PIKFYVE: variants seen among roughly 807,000 people sequenced by gnomAD.
PIKFYVE encodes 1-phosphatidylinositol 3-phosphate 5-kinase.
A neutral mutation model predicts 257.9 loss-of-function variants in PIKFYVE; 122 were observed. The observed-to-expected ratio is 0.47, with a 90% CI of 0.41 to 0.55. The LOEUF is 0.55. Among genes scored for constraint, PIKFYVE ranks in the 20% least tolerant of loss-of-function variants. The pLI is 0.00. For synonymous variants in PIKFYVE, 892 were observed against 868.9 expected, an observed-to-expected ratio of 1.03 and a Z score of -0.47; for missense variants, 2,160 against 2,536.6, an observed-to-expected ratio of 0.85 and a Z score of 3.19.
At chr2:208,301,837 A>G (rs1212437015) in intron 9 of PIKFYVE, among the ~76,000 whole-genome samples, 1 of 151,556 alleles carries the variant, frequency 6.6e-6, no homozygotes, top group African/African-American at 2.4e-5. Context: ...TGTCTATTTC[A>G]TATATATATA....
At chr2:208,267,075 G>A (rs1688733867) in intron 1 of PIKFYVE, among the ~76,000 whole-genome samples, 1 of 152,226 alleles carries the variant, frequency 6.6e-6, no homozygotes, top group Non-Finnish European at 1.5e-5. Context: ...AGAAATATAA[G>A]AAGTGCTAGA....
rs568341271 is a variant in PIKFYVE at position 208,279,998 on chromosome 2, A to AT, written c.613+2298dup. Among the ~76,000 whole-genome samples the AT allele has an allele frequency of 7.3e-3, 1,108 of 152,046 alleles. 5 individuals carry two copies. Among genetic ancestry groups the AT allele is most frequent in the Non-Finnish European group, 0.011 (775 of 67,962 alleles). On this transcript the variant is annotated intron_variant, in intron 5 of 41. Coordinates refer to ENST00000264380, the MANE Select transcript of PIKFYVE (RefSeq NM_015040.4). ...GACAAGATTACAGCTTTTAAAATAC[A>AT]TTTTTTTTACCTTTAGTTTCTCCCT...
chr2:208,325,087 A>C, intron 19 of PIKFYVE, 50 bp downstream of exon 19: 17 of 1,610,394 alleles, frequency 1.1e-5, no homozygotes, highest in Non-Finnish European at 1.4e-5. Flanking sequence ...TTAACTTATC[A>C]CTACTACAAT....
At chr2:208,303,767 A>G (rs1447503398) in intron 10 of PIKFYVE, among the ~76,000 whole-genome samples, 1 of 152,234 alleles carries the variant, frequency 6.6e-6, no homozygotes, top group Non-Finnish European at 1.5e-5. Context: ...GTCAATGGTT[A>G]GAAGAGACAA....
chr2:208,336,742 T>C lies in PIKFYVE; in HGVS notation c.4521-96T>C, dbSNP rs185920892. 7.0e-5 allele frequency: 53 copies of C among 760,378 alleles called. No individual in the cohort carries two copies. The African/African-American group carries it at 7.8e-4, about 11-fold the overall frequency. 47.1% of individuals were successfully genotyped at this position (760,378 alleles called of 1,614,324 possible). A position where few individuals can be genotyped will look rare whatever the true frequency, so the allele number is the denominator to read the frequency against. On this transcript the variant is annotated intron_variant, in intron 27 of 41. Coordinates refer to ENST00000264380, the MANE Select transcript of PIKFYVE (RefSeq NM_015040.4). ...CTATGGTAATCCAAATAGGAAAACT[T>C]TGTGATTTCAAAGTTGTAAAGAGAA...
At chr2:208,269,721 C>G in intron 1 of PIKFYVE, 1 of 250,364 alleles carries the variant, frequency 4.0e-6, no homozygotes, top group Admixed American at 4.0e-5. Context: ...TGCCATCCCC[C>G]ACTCAGTTAA....
rs1008714372 is a variant in PIKFYVE at position 208,315,089 on chromosome 2, T to C, written c.1827-104T>C. The C allele has an allele frequency of 5.8e-6, 6 of 1,038,958 alleles. No individual in the cohort carries two copies. In the African/African-American group the frequency reaches 9.5e-5, roughly 17 times the overall value. 64.4% of individuals were successfully genotyped at this position (1,038,958 alleles called of 1,614,324 possible). ...CCTAGAAAATCTTATCTGTGAGCCG[T>C]AATTGAAATGTTTATTTCTTTGTAG... is the stretch of plus-strand genomic sequence containing the variant. On this transcript the variant is annotated intron_variant, in intron 14 of 41. Coordinates refer to ENST00000264380, the MANE Select transcript of PIKFYVE (RefSeq NM_015040.4).
rs756109948 is a variant in PIKFYVE, at chr2:208,330,714, A to G, written c.3963+20A>G. On this transcript the variant is annotated intron_variant, in intron 23 of 41. Coordinates refer to ENST00000264380, the MANE Select transcript of PIKFYVE (RefSeq NM_015040.4). The stretch of plus-strand genomic sequence containing the variant: ...AAACAGGTAAATAGACCCTATTACT[A>G]TATTTTGTTTGCCATTTATTTCTTT... 15 of 1,601,376 alleles carry G rather than the reference A, an allele frequency of 9.4e-6. No homozygotes were observed. The highest frequency in any genetic ancestry group is 1.3e-5 in the Non-Finnish European group (15 of 1,172,992).
intron 36 of PIKFYVE, among the ~76,000 whole-genome samples, 176 bp from the exon 37 acceptor site, chr2:208,350,595 C>G (rs1699686905): frequency 6.6e-6 from 1 of 151,736 alleles, no homozygotes; most frequent in Non-Finnish European, 1.5e-5. Context: ...TTTAATTCCC[C>G]CTGAAGATCA....
intron 4 of PIKFYVE, 53 bp downstream of exon 4, chr2:208,276,883 G>A: frequency 4.2e-6 from 6 of 1,430,774 alleles, no homozygotes; most frequent in Non-Finnish European, 5.9e-6. Context: ...TGGGGATCAT[G>A]CCATACCTAA....
intron 8 of PIKFYVE, 128 bp downstream of exon 8, chr2:208,298,907 A>G (rs1693329825): frequency 4.1e-6 from 5 of 1,216,956 alleles, no homozygotes; most frequent in Non-Finnish European, 5.9e-6. Context: ...CAGTGGTGTG[A>G]TCTTGGCTCC....
At chr2:208,326,692 A>G (rs924457746) in intron 20 of PIKFYVE, among the ~76,000 whole-genome samples, 2 of 152,222 alleles carry the variant, frequency 1.3e-5, no homozygotes, top group Non-Finnish European at 2.9e-5. Flanking sequence ...GTAAGGGGAA[A>G]TGTGGAGCTG....
intron 20 of PIKFYVE, 115 bp downstream of exon 20, chr2:208,326,544 CT>C: frequency 8.7e-7 from 1 of 1,143,994 alleles, no homozygotes; most frequent in Non-Finnish European, 1.3e-6. Flanking sequence ...TGAAATATTT[CT>C]TCTCCTATGC....
chr2:208,312,125 G>A, intron 12 of PIKFYVE, 111 bp from the exon 13 acceptor site: 1 of 823,948 alleles, frequency 1.2e-6, no homozygotes, highest in African/African-American at 1.7e-5. Context: ...GATGGGTTTA[G>A]TATGAGTAAT....
intron 7 of PIKFYVE, 56 bp from the exon 8 acceptor site, chr2:208,298,585 C>T: frequency 5.0e-6 from 8 of 1,591,392 alleles, no homozygotes; most frequent in Non-Finnish European, 6.9e-6. Context: ...CTCTGTAATT[C>T]TGTTTATTGA....
chr2:208,353,406 C>T (rs190726596), intron 39 of PIKFYVE, among the ~76,000 whole-genome samples: 182 of 152,352 alleles, frequency 1.2e-3, no homozygotes, highest in Middle Eastern at 3.4e-3. Context: ...GGTCCTGGTA[C>T]TCAAGTCCCC....
chr2:208,335,070 C>A (rs1485874657), intron 24 of PIKFYVE, among the ~76,000 whole-genome samples: 4 of 152,062 alleles, frequency 2.6e-5, no homozygotes, highest in Non-Finnish European at 4.4e-5. Flanking sequence ...AGGATAACTT[C>A]AAGGGATAAA....
intron 35 of PIKFYVE, among the ~76,000 whole-genome samples, chr2:208,349,225 T>C (rs1699531402): frequency 6.6e-6 from 1 of 152,144 alleles, no homozygotes; most frequent in Admixed American, 6.6e-5. Context: ...CTGTTTAGTA[T>C]TCTATAGGCT....
rs1559109515 is a variant in PIKFYVE at position 208,315,385 on chromosome 2, T to C, written c.2007+12T>C. 6.2e-7 allele frequency: 1 copy of C among 1,613,618 alleles called. No homozygotes were observed. Among genetic ancestry groups the C allele is most frequent in the Non-Finnish European group, 8.5e-7 (1 of 1,179,670 alleles). ...TCCACATCAAAAAAGTGAGCTCTGC[T>C]AATGTTTTACTAATGCTAGGAACTG... On this transcript the variant is annotated intron_variant, in intron 15 of 41. Transcript: ENST00000264380.
Sources: allele counts gnomAD v4.1 joint callset (sites outside exome capture counted in the v4.1 genomes callset), GRCh38; gene constraint gnomAD v4.1.1; transcripts MANE v1.5; gene names NCBI Gene and HGNC (gene_info 2026-07-23, HGNC 2026-07-21).